Variants in SEMA5A observed in about 807,000 individuals in gnomAD.
SEMA5A encodes semaphorin-5A.
A neutral mutation model predicts 135.5 loss-of-function variants in SEMA5A; 55 were observed. The ratio of observed to expected loss-of-function variants is 0.41; its 90% CI spans 0.33 to 0.51. The LOEUF (loss-of-function observed/expected upper bound fraction) is 0.51, where lower values mean the gene tolerates loss of function less well. SEMA5A is among the 20% of genes least tolerant of loss of function. The probability of loss-of-function intolerance (pLI) is 0.37; values close to 1 mark genes in which losing one functional copy is unlikely to be tolerated. For synonymous variants in SEMA5A, 580 were observed against 546.5 expected (o/e 1.06, Z -0.85); for missense variants, 1,290 against 1,419.9 (o/e 0.91, Z 1.47).
intron 5 of SEMA5A, among the ~76,000 whole-genome samples, chr5:9,258,397 C>T (rs941530450): frequency 2.0e-5 from 3 of 152,280 alleles, no homozygotes; most frequent in Non-Finnish European, 2.9e-5. Flanking sequence ...GCCAACCAGG[C>T]GTGCTGTCTT....
At chr5:9,428,045 CTACATATAT>C (rs1757721248) in intron 2 of SEMA5A, among the ~76,000 whole-genome samples, 1 of 150,658 alleles carries the variant, frequency 6.6e-6, no homozygotes, top group South Asian at 2.1e-4. Flanking sequence ...TCAACTCTAT[CTACATATAT>C]TACATATATG....
chr5:9,329,384 C>T (rs1362238420), intron 4 of SEMA5A, among the ~76,000 whole-genome samples: 2 of 152,180 alleles, frequency 1.3e-5, no homozygotes, highest in African/African-American at 4.8e-5. Flanking sequence ...TGGCTGTGTG[C>T]CAATAAAAGC....
At position 9,050,418 on chromosome 5, in the gene SEMA5A, C is replaced by T. The variant is rs751672788; in HGVS notation, c.2885G>A (p.Arg962Lys). 1 of 1,612,138 alleles carries T rather than the reference C, an allele frequency of 6.2e-7. No homozygotes were observed. Among genetic ancestry groups the T allele is most frequent in the Non-Finnish European group, 8.5e-7 (1 of 1,179,264 alleles). Reference sequence around the variant, plus strand: ...TAAAAGGAATAACGTACCTCCACACCTTTTCTCTTCTACGCTACTGGATCT... The same window carrying T: ...TAAAAGGAATAACGTACCTCCACACTTTTTCTCTTCTACGCTACTGGATCT... Reference protein sequence around the residue: ...VARSSSVEEKRCGEFNMFHMI... With the variant: ...VARSSSVEEKKCGEFNMFHMI... The change falls in exon 21 of 23, where the codon AGG (arginine) becomes AAG (lysine). Residue 962 changes from arginine to lysine, a missense_variant. Around this residue, in one of 3 missense-constraint regions of SEMA5A, gnomAD observed 1,029 missense variants for 1,086.6 expected, o/e 0.95. Transcript: ENST00000382496.
intron 1 of SEMA5A, among the ~76,000 whole-genome samples, chr5:9,492,321 G>A (rs950292144): frequency 2.6e-5 from 4 of 152,150 alleles, no homozygotes; most frequent in Non-Finnish European, 4.4e-5. Flanking sequence ...GAAAACTAAC[G>A]TTCAGAAAGA....
At chr5:9,360,153 G>A (rs1754627736) in intron 3 of SEMA5A, among the ~76,000 whole-genome samples, 1 of 152,162 alleles carries the variant, frequency 6.6e-6, no homozygotes, top group African/African-American at 2.4e-5. Flanking sequence ...ATTAACCTCT[G>A]CAGTAGGTCA....
chr5:9,220,602 A>G lies in SEMA5A; in HGVS notation c.646+4072T>C, dbSNP rs1746888744. Reference sequence around the variant, plus strand: ...TGGGAATCCAAGAAAAGCGTGTGGAATGAGAAGAGTGGGCAGAAGGAAGGG... The same window carrying G: ...TGGGAATCCAAGAAAAGCGTGTGGAGTGAGAAGAGTGGGCAGAAGGAAGGG... On this transcript the variant is annotated intron_variant, in intron 8 of 22. Coordinates refer to ENST00000382496, the MANE Select transcript of SEMA5A (RefSeq NM_003966.3). 2.6e-5 allele frequency among the ~76,000 whole-genome samples: 4 copies of G among 152,224 alleles called. 1 individual carries two copies. Among genetic ancestry groups the G allele is most frequent in the African/African-American group, 9.6e-5 (4 of 41,468 alleles).
At chr5:9,374,622 C>CGTGTGTGT (rs3086524) in intron 3 of SEMA5A, among the ~76,000 whole-genome samples, 54 of 147,246 alleles carry the variant, frequency 3.7e-4, no homozygotes, top group Middle Eastern at 3.4e-3. Context: ...CACAAGACAT[C>CGTGTGTGT]GTGTGTGTGT....
chr5:9,478,933 A>G (rs1759771695), intron 1 of SEMA5A, among the ~76,000 whole-genome samples: 1 of 152,160 alleles, frequency 6.6e-6, no homozygotes, highest in African/African-American at 2.4e-5. Flanking sequence ...CTCATCTCGA[A>G]TTGTAATCCC....
chr5:9,276,022 T>C (rs1349791110), intron 5 of SEMA5A, among the ~76,000 whole-genome samples: 1 of 152,214 alleles, frequency 6.6e-6, no homozygotes, highest in Non-Finnish European at 1.5e-5. Context: ...AGTCAAATTG[T>C]CTCTGTTTGC....
chr5:9,120,423 T>TTA (rs1216730840), intron 14 of SEMA5A, among the ~76,000 whole-genome samples: 2 of 152,184 alleles, frequency 1.3e-5, no homozygotes, highest in East Asian at 3.9e-4. Context: ...TTTTCCTACT[T>TTA]TACTGAAACC....
rs185989722 is a variant in SEMA5A at position 9,337,920 on chromosome 5, C to T, written c.125-108G>A. 318 of 730,258 alleles carry T rather than the reference C, an allele frequency of 4.4e-4. 2 individuals carry two copies. The East Asian group carries it at 7.6e-3, about 17-fold the overall frequency. The allele number at this position is 730,258 out of a possible 1,614,324, so 45.2% of individuals were successfully genotyped here. A position where few individuals can be genotyped will look rare whatever the true frequency, so the allele number is the denominator to read the frequency against. On this transcript the variant is annotated intron_variant, in intron 3 of 22. Coordinates refer to ENST00000382496, the MANE Select transcript of SEMA5A (RefSeq NM_003966.3). ...CAGACGTTACATTTCAGAGAGGATT[C>T]GGAGGTCCCTCTATGCCATCTTTCA...
At chr5:9,418,408 G>A (rs1056902128) in intron 2 of SEMA5A, among the ~76,000 whole-genome samples, 4 of 152,152 alleles carry the variant, frequency 2.6e-5, no homozygotes, top group Non-Finnish European at 4.4e-5. Flanking sequence ...ATTTTGAGGG[G>A]ACACAAACAT....
At chr5:9,169,155 A>G (rs1007591424) in intron 11 of SEMA5A, among the ~76,000 whole-genome samples, 6 of 152,196 alleles carry the variant, frequency 3.9e-5, no homozygotes, top group African/African-American at 1.2e-4. Flanking sequence ...CCTTACCACA[A>G]GAAAAAAGCA....
chr5:9,505,139 A>AG (rs1735804191), intron 1 of SEMA5A, among the ~76,000 whole-genome samples: 1 of 149,088 alleles, frequency 6.7e-6, no homozygotes, highest in African/African-American at 2.5e-5. Flanking sequence ...AAATTCTAAA[A>AG]CAAAAAAAAA....
chr5:9,530,105 C>T (rs1180772897), intron 1 of SEMA5A, among the ~76,000 whole-genome samples: 2 of 152,214 alleles, frequency 1.3e-5, no homozygotes, highest in African/African-American at 4.8e-5. Flanking sequence ...GACATTTGTG[C>T]ATAACTCTTG....
At chr5:9,075,828 C>CAT (rs1738021837) in intron 16 of SEMA5A, among the ~76,000 whole-genome samples, 1 of 152,116 alleles carries the variant, frequency 6.6e-6, no homozygotes, top group Non-Finnish European at 1.5e-5. Flanking sequence ...GTATGCCAAC[C>CAT]ATACCTCAAT....
At chr5:9,178,298 A>G (rs1286017171) in intron 11 of SEMA5A, among the ~76,000 whole-genome samples, 1 of 151,454 alleles carries the variant, frequency 6.6e-6, no homozygotes, top group Non-Finnish European at 1.5e-5. Flanking sequence ...AGGAAAAAAA[A>G]TGTATAAGCT....
intron 5 of SEMA5A, among the ~76,000 whole-genome samples, chr5:9,244,932 G>A (rs77027396): frequency 0.012 from 1,898 of 152,276 alleles, 40 homozygotes; most frequent in African/African-American, 0.044. Flanking sequence ...AAGACAGAAA[G>A]GGAAGGATCA....
chr5:9,430,476 G>A (rs2126654382), intron 2 of SEMA5A, among the ~76,000 whole-genome samples: 1 of 152,304 alleles, frequency 6.6e-6, no homozygotes, highest in Admixed American at 6.5e-5. Flanking sequence ...TGGGAAAAGA[G>A]ACAAGGTCCA....
Sources: gnomAD v4.1 joint callset for allele counts (sites outside exome capture counted in the v4.1 genomes callset) on GRCh38, gnomAD v4.1.1 for gene constraint, gnomAD v4.1.1 regional missense constraint, MANE v1.5 for transcripts, NCBI Gene and HGNC (gene_info 2026-07-23, HGNC 2026-07-21) for gene names.